Variants in TEX11 observed in about 807,000 individuals in gnomAD.
TEX11 encodes testis-expressed protein 11.
In TEX11, 7 loss-of-function variants were observed where a neutral mutation model predicts 84.4. That is an observed-to-expected ratio of 0.08 (90% CI 0.05 to 0.16). The LOEUF (loss-of-function observed/expected upper bound fraction) is 0.16. Among genes scored for constraint, TEX11 ranks in the 10% least tolerant of loss-of-function variants. TEX11 has a pLI of 1.00. For missense variants in TEX11, 551 were observed against 660.5 expected (o/e 0.83, Z 1.82); for synonymous variants, 264 against 222.8 (o/e 1.18, Z -1.64).
intron 13 of TEX11, among the ~76,000 whole-genome samples, chrX:70,708,467 A>G (rs1603230005): frequency 8.9e-6 from 1 of 111,823 alleles, no homozygotes; most frequent in East Asian, 2.8e-4. Flanking sequence ...AAAGGAAAAC[A>G]GATTATACAA....
chrX:70,639,411 C>A lies in TEX11; in HGVS notation c.1484-9676G>T, dbSNP rs189960986. On this transcript the variant is annotated intron_variant, in intron 17 of 29. Coordinates refer to ENST00000374333, the MANE Select transcript of TEX11 (RefSeq NM_031276.3). ...GCCGGGAAGCTCGAACTGAGTGGAG[C>A]CCACCACAGCTCAAGGAGGCCTGCG... Among the ~76,000 whole-genome samples the A allele has an allele frequency of 6.1e-3, 684 of 112,073 alleles. 2 individuals are homozygous for A. Among genetic ancestry groups the A allele is most frequent in the African/African-American group, 0.021 (660 of 30,831 alleles).
At chrX:70,697,737 T>G (rs2090292343) in intron 13 of TEX11, among the ~76,000 whole-genome samples, 2 of 111,902 alleles carry the variant, frequency 1.8e-5, no homozygotes, top group African/African-American at 6.5e-5. Flanking sequence ...GCTAAAGTGT[T>G]GAATGCTTAT....
At chrX:70,789,500 G>A (rs772833223) in intron 9 of TEX11, among the ~76,000 whole-genome samples, 2 of 111,853 alleles carry the variant, frequency 1.8e-5, no homozygotes, top group East Asian at 5.6e-4. Flanking sequence ...GCTGAAGCAC[G>A]ATAATCACTT....
chrX:70,579,934 C>T (rs1425002465), intron 25 of TEX11, among the ~76,000 whole-genome samples: 1 of 112,109 alleles, frequency 8.9e-6, no homozygotes, highest in African/African-American at 3.2e-5. Flanking sequence ...GGAGAAGAGT[C>T]ACCAATCCCA....
chrX:70,554,914 C>G, intron 25 of TEX11, 114 bp from the exon 26 acceptor site: 1 of 740,096 alleles, frequency 1.4e-6, no homozygotes, highest in African/African-American at 2.2e-5. Context: ...ATTTTACTTA[C>G]AATTTGAAGG....
chrX:70,863,412 C>T (rs149428505), intron 4 of TEX11, among the ~76,000 whole-genome samples: 7,053 of 111,908 alleles, frequency 0.063, 192 homozygotes, highest in African/African-American at 0.11. Context: ...GCAGCCTCCA[C>T]TAGTGATAAC....
rs745618647 is a variant in TEX11 at position 70,560,893 on chromosome X, G to GTTTT, written c.2141-6097_2141-6094dup. On this transcript the variant is annotated intron_variant, in intron 25 of 29. Coordinates refer to ENST00000374333, the MANE Select transcript of TEX11 (RefSeq NM_031276.3). ...ACCACAGGTGCATGCCACCACACCG[G>GTTTT]TTTTTTTTTTTTTTTTTTTTTTTTT... Among the ~76,000 whole-genome samples, 148 of 33,593 alleles carry GTTTT rather than the reference G, an allele frequency of 4.4e-3. 20 individuals carry two copies. Among genetic ancestry groups the GTTTT allele is most frequent in the African/African-American group, 0.015 (112 of 7,231 alleles). 29.2% of individuals were successfully genotyped at this position (33,593 alleles called of 115,157 possible). A position where few individuals can be genotyped will look rare whatever the true frequency, so the allele number is the denominator to read the frequency against.
chrX:70,743,446 T>C (rs2090746625), intron 10 of TEX11, among the ~76,000 whole-genome samples: 1 of 112,316 alleles, frequency 8.9e-6, no homozygotes, highest in African/African-American at 3.2e-5. Flanking sequence ...TGCTATAGAA[T>C]GTAGTAATTT....
chrX:70,727,452 T>G (rs1408438272), intron 11 of TEX11, among the ~76,000 whole-genome samples: 1 of 111,682 alleles, frequency 9.0e-6, no homozygotes, highest in Admixed American at 9.5e-5. Context: ...AAGAAACAGA[T>G]TATTGCCACA....
intron 28 of TEX11, among the ~76,000 whole-genome samples, chrX:70,546,591 T>A (rs896308033): frequency 9.0e-6 from 1 of 111,438 alleles, no homozygotes; most frequent in Non-Finnish European, 1.9e-5. Context: ...TAGACATTTA[T>A]CCAAACACAA....
chrX:70,848,530 C>A (rs2091490875), intron 7 of TEX11, among the ~76,000 whole-genome samples: 1 of 111,319 alleles, frequency 9.0e-6, no homozygotes, highest in Non-Finnish European at 1.9e-5. Context: ...GTTTTTCAGT[C>A]TTTCACATTT....
chrX:70,739,162 A>T (rs989919514), intron 11 of TEX11, among the ~76,000 whole-genome samples: 4 of 111,427 alleles, frequency 3.6e-5, no homozygotes, highest in African/African-American at 1.3e-4. Context: ...TTCTACATTA[A>T]TTTTTTAATT....
At chrX:70,829,480 T>TTA (rs2091364592) in intron 8 of TEX11, among the ~76,000 whole-genome samples, 1 of 23,719 alleles carries the variant, frequency 4.2e-5, no homozygotes, top group African/African-American at 3.3e-4. Flanking sequence ...ACATTCCGTC[T>TTA]CAAAAAAAAA....
At chrX:70,768,212 C>T (rs998001315) in intron 9 of TEX11, among the ~76,000 whole-genome samples, 1 of 111,344 alleles carries the variant, frequency 9.0e-6, no homozygotes, top group Admixed American at 9.6e-5. Flanking sequence ...GATTATTTCA[C>T]ATTGCATGCC....
At chrX:70,717,882 A>T (rs1425232539) in intron 13 of TEX11, among the ~76,000 whole-genome samples, 5 of 112,443 alleles carry the variant, frequency 4.4e-5, no homozygotes, top group Non-Finnish European at 7.5e-5. Context: ...ACATTAACAA[A>T]TAGTATGAAC....
intron 17 of TEX11, among the ~76,000 whole-genome samples, chrX:70,640,285 A>G (rs1250710534): frequency 9.3e-6 from 1 of 107,452 alleles, no homozygotes; most frequent in African/African-American, 3.4e-5. Flanking sequence ...GACCAAATCT[A>G]TGTCTGATTG....
intron 8 of TEX11, among the ~76,000 whole-genome samples, chrX:70,818,889 G>C (rs888004156): frequency 9.0e-6 from 1 of 110,564 alleles, no homozygotes; most frequent in African/African-American, 3.3e-5. Flanking sequence ...TAACAACACT[G>C]AACCAAGAAG....
At chrX:70,636,272 T>C (rs865957651) in intron 17 of TEX11, among the ~76,000 whole-genome samples, 3 of 110,643 alleles carry the variant, frequency 2.7e-5, no homozygotes, top group Middle Eastern at 4.7e-3. Flanking sequence ...AAGGCAGTCC[T>C]TGTGGCCCGA....
chrX:70,785,425 A>G (rs1381243473), intron 9 of TEX11, among the ~76,000 whole-genome samples: 2 of 112,124 alleles, frequency 1.8e-5, no homozygotes, highest in Non-Finnish European at 3.8e-5. Context: ...CTTCATGACT[A>G]AAACACCAAA....
Sources: gnomAD v4.1 joint callset for allele counts (sites outside exome capture counted in the v4.1 genomes callset) on GRCh38, gnomAD v4.1.1 for gene constraint, MANE v1.5 for transcripts, NCBI Gene and HGNC (gene_info 2026-07-23, HGNC 2026-07-21) for gene names.